CIMAP2: variants seen among roughly 807,000 people sequenced by gnomAD.
CIMAP2 encodes the protein ciliary microtubule-associated protein 2.
the CIMAP2 span, among the ~76,000 whole-genome samples, chr1:54,836,882 C>T: frequency 6.7e-4 from 102 of 152,096 alleles, no homozygotes; most frequent in Non-Finnish European, 1.2e-3. Context: ...TGGGATCAGC[C>T]GAGTCTTGAT....
chr1:54,812,123 C>G, the CIMAP2 span: 1 of 1,614,220 alleles, frequency 6.2e-7, no homozygotes, highest in Non-Finnish European at 8.5e-7. Context: ...TCGGCACCCG[C>G]GGCCCCTATG....
chr1:54,819,892 T>G, the CIMAP2 span, among the ~76,000 whole-genome samples: 1 of 148,430 alleles, frequency 6.7e-6, no homozygotes, highest in Non-Finnish European at 1.5e-5. Context: ...TTCTTTCCCT[T>G]CCTTCCTTCT....
At chr1:54,830,017 ATTATG>A in the CIMAP2 span, among the ~76,000 whole-genome samples, 1 of 151,960 alleles carries the variant, frequency 6.6e-6, no homozygotes, top group South Asian at 2.1e-4. This position sits in a 1 kb window ranked among gnomAD's most constrained non-coding sequence, Gnocchi z 4.1. Flanking sequence ...GCACTTGTTG[ATTATG>A]GACTCCACCA....
At chr1:54,826,598 G>A in the CIMAP2 span, among the ~76,000 whole-genome samples, 1 of 152,336 alleles carries the variant, frequency 6.6e-6, no homozygotes, top group African/African-American at 2.4e-5. Context: ...TGGGAACAAT[G>A]CTGTCACATG....
chr1:54,817,398 A>G, the CIMAP2 span, among the ~76,000 whole-genome samples: 1 of 152,224 alleles, frequency 6.6e-6, no homozygotes, highest in African/African-American at 2.4e-5. Context: ...AAATGAAATG[A>G]TCTGTTGAAA....
the CIMAP2 span, among the ~76,000 whole-genome samples, chr1:54,811,198 C>T: frequency 2.0e-5 from 3 of 152,342 alleles, no homozygotes; most frequent in East Asian, 3.9e-4. Context: ...GAACCCAGAA[C>T]GGCAGTCCTT....
the CIMAP2 span, among the ~76,000 whole-genome samples, chr1:54,830,177 T>C: frequency 0.035 from 5,321 of 152,312 alleles, 136 homozygotes; most frequent in Non-Finnish European, 0.042. This position sits in a 1 kb window ranked among gnomAD's most constrained non-coding sequence, Gnocchi z 4.1. Flanking sequence ...CAATATTTAG[T>C]GATTAAACTT....
chr1:54,832,200 TGAG>T, the CIMAP2 span, among the ~76,000 whole-genome samples: 1 of 152,222 alleles, frequency 6.6e-6, no homozygotes, highest in Non-Finnish European at 1.5e-5. Flanking sequence ...ATAATAATAA[TGAG>T]AATTCTTAAT....
chr1:54,833,648 G>A, the CIMAP2 span, among the ~76,000 whole-genome samples: 3 of 152,066 alleles, frequency 2.0e-5, no homozygotes, highest in African/African-American at 7.3e-5. Flanking sequence ...TCATAAATGT[G>A]GTTGACTGAT....
the CIMAP2 span, among the ~76,000 whole-genome samples, chr1:54,812,421 C>T: frequency 1.3e-5 from 2 of 152,352 alleles, no homozygotes; most frequent in African/African-American, 4.8e-5. Context: ...AACCCAAGGA[C>T]GTCTGTCTGA....
At chr1:54,838,557 G>A in the CIMAP2 span, among the ~76,000 whole-genome samples, 1 of 152,038 alleles carries the variant, frequency 6.6e-6, no homozygotes, top group Non-Finnish European at 1.5e-5. Context: ...TTATTATATA[G>A]GTGAGGAAAC....
the CIMAP2 span, among the ~76,000 whole-genome samples, chr1:54,841,154 G>A: frequency 6.6e-6 from 1 of 152,216 alleles, no homozygotes; most frequent in Non-Finnish European, 1.5e-5. Flanking sequence ...CATGGGTAAT[G>A]ATCTAGGCAT....
the CIMAP2 span, among the ~76,000 whole-genome samples, chr1:54,838,571 G>A: frequency 2.0e-5 from 3 of 152,068 alleles, no homozygotes; most frequent in Non-Finnish European, 2.9e-5. Flanking sequence ...AGGAAACTGA[G>A]TAACTTTCCC....
At chr1:54,811,773 G>GCGCCC in the CIMAP2 span, 4 of 1,325,052 alleles carry the variant, frequency 3.0e-6, no homozygotes, top group South Asian at 1.3e-5. Context: ...CAGCCTCCAT[G>GCGCCC]CCCCCACCCC....
chr1:54,835,708 G>T, the CIMAP2 span, among the ~76,000 whole-genome samples: 1 of 152,132 alleles, frequency 6.6e-6, no homozygotes, highest in Non-Finnish European at 1.5e-5. Flanking sequence ...CTGCAGAAGA[G>T]AATCAGACAG....
chr1:54,811,765 G>GGGGGGGGGGGGGGGGCC, the CIMAP2 span: 1 of 1,301,330 alleles, frequency 7.7e-7, no homozygotes, highest in Non-Finnish European at 1.1e-6. Context: ...GGTTCTGACA[G>GGGGGGGGGGGGGGGGCC]CCTCCATGCC....
At chr1:54,806,473 C>T in the CIMAP2 span, among the ~76,000 whole-genome samples, 3 of 152,184 alleles carry the variant, frequency 2.0e-5, no homozygotes, top group Non-Finnish European at 4.4e-5. Flanking sequence ...ATTTCAAGAG[C>T]ACTTACTATG....
At chr1:54,831,288 A>G in the CIMAP2 span, among the ~76,000 whole-genome samples, 2 of 152,232 alleles carry the variant, frequency 1.3e-5, no homozygotes, top group Admixed American at 6.5e-5. Flanking sequence ...TATGAAATGC[A>G]TATTTTTCTG....
the CIMAP2 span, chr1:54,811,753 G>A: frequency 7.3e-7 from 1 of 1,378,154 alleles, no homozygotes; most frequent in South Asian, 1.1e-5. Context: ...AGCACAAGGA[G>A]TGGTTCTGAC....
Sources: gnomAD v4.1 joint callset for allele counts (sites outside exome capture counted in the v4.1 genomes callset) on GRCh38, gnomAD v4.1.1 for gene constraint, Gnocchi (gnomAD v3.1) non-coding constraint, MANE v1.5 for transcripts, NCBI Gene and HGNC (gene_info 2026-07-23, HGNC 2026-07-21) for gene names.